Variants in PKD1L1 observed in about 807,000 individuals in gnomAD.
PKD1L1 encodes the protein polycystin-1-like protein 1.
In PKD1L1, 236 loss-of-function variants were observed where a neutral mutation model predicts 323.4. The ratio of observed to expected loss-of-function variants is 0.73; its 90% confidence interval spans 0.66 to 0.81. The LOEUF (loss-of-function observed/expected upper bound fraction) is 0.81. PKD1L1 is among the 40% of genes least tolerant of loss of function. PKD1L1 has a pLI of 0.00. For missense variants in PKD1L1, 3,320 were observed against 3,508.0 expected (o/e 0.95, Z 1.35); for synonymous variants, 1,344 against 1,335.0 (o/e 1.01, Z -0.15).
chr7:47,922,152 G>C (rs1787557052), intron 7 of PKD1L1, among the ~76,000 whole-genome samples: 1 of 152,248 alleles, frequency 6.6e-6, no homozygotes, highest in African/African-American at 2.4e-5. Context: ...GACCACGAGT[G>C]ATCTACCAGC....
At chr7:47,933,463 T>A (rs1340205335) in intron 4 of PKD1L1, among the ~76,000 whole-genome samples, 1 of 152,086 alleles carries the variant, frequency 6.6e-6, no homozygotes, top group Non-Finnish European at 1.5e-5. Context: ...CCAAATAAAC[T>A]CCCTGTTTAT....
chr7:47,850,049 C>G, intron 31 of PKD1L1, among the ~76,000 whole-genome samples: 1 of 152,104 alleles, frequency 6.6e-6, no homozygotes, highest in Non-Finnish European at 1.5e-5. Flanking sequence ...AGATAAAAGA[C>G]TACACATAGG....
At chr7:47,927,495 A>G (rs1217368087) in intron 7 of PKD1L1, among the ~76,000 whole-genome samples, 3 of 152,116 alleles carry the variant, frequency 2.0e-5, no homozygotes, top group African/African-American at 7.2e-5. Context: ...CGAACTCTTG[A>G]CCTCGTGATC....
At chr7:47,903,027 G>A (rs1002028786) in intron 12 of PKD1L1, among the ~76,000 whole-genome samples, 26 of 152,300 alleles carry the variant, frequency 1.7e-4, no homozygotes, top group Admixed American at 2.6e-4. Flanking sequence ...GCCTGTCTCC[G>A]GGTAAGGGGA....
intron 24 of PKD1L1, among the ~76,000 whole-genome samples, chr7:47,868,354 G>A (rs1338841991): frequency 6.6e-6 from 1 of 152,032 alleles, no homozygotes; most frequent in Non-Finnish European, 1.5e-5. Context: ...GGGCGACAGG[G>A]TGAGACCTTG....
chr7:47,843,218 A>G (rs1562956001), intron 33 of PKD1L1, 49 bp from the exon 34 acceptor site: 1 of 1,448,650 alleles, frequency 6.9e-7, no homozygotes, highest in Non-Finnish European at 9.5e-7. Context: ...GAAAATAGAC[A>G]TATAGGAAAA....
At chr7:47,910,546 G>A (rs1468479425) in intron 8 of PKD1L1, among the ~76,000 whole-genome samples, 1 of 152,024 alleles carries the variant, frequency 6.6e-6, no homozygotes, top group East Asian at 1.9e-4. Flanking sequence ...CACCGTGTTA[G>A]CCAGGATGGT....
chr7:47,941,579 G>T (rs1006206777), intron 2 of PKD1L1, among the ~76,000 whole-genome samples: 1 of 152,174 alleles, frequency 6.6e-6, no homozygotes. Flanking sequence ...ATCAAAGGCC[G>T]TGTTCCTGGC....
At chr7:47,939,478 G>T (rs979271707) in intron 3 of PKD1L1, among the ~76,000 whole-genome samples, 1 of 152,152 alleles carries the variant, frequency 6.6e-6, no homozygotes, top group Non-Finnish European at 1.5e-5. Flanking sequence ...TGAAAAGCAT[G>T]TCTCACTCAG....
intron 14 of PKD1L1, 105 bp from the exon 15 acceptor site, chr7:47,894,164 A>C: frequency 9.7e-7 from 1 of 1,029,080 alleles, no homozygotes; most frequent in Non-Finnish European, 1.4e-6. Flanking sequence ...ACGAGTCTCA[A>C]CGCATCCCTG....
At chr7:47,894,588 T>C (rs1342355267) in intron 14 of PKD1L1, among the ~76,000 whole-genome samples, 1 of 152,204 alleles carries the variant, frequency 6.6e-6, no homozygotes, top group African/African-American at 2.4e-5. Context: ...CGGTGGTTCA[T>C]GCCTGTAATC....
At chr7:47,954,332 A>T in the PKD1L1 span, among the ~76,000 whole-genome samples, 3 of 152,216 alleles carry the variant, frequency 2.0e-5, no homozygotes, top group African/African-American at 7.2e-5. Flanking sequence ...CCCTAAATTC[A>T]TAAGTTAGAA....
intron 45 of PKD1L1, 93 bp from the exon 46 acceptor site, chr7:47,821,279 T>C (rs560629489): frequency 2.2e-4 from 155 of 699,760 alleles, no homozygotes; most frequent in Non-Finnish European, 3.4e-4. Flanking sequence ...ATTATTATTA[T>C]TATTTTTGAG....
intron 15 of PKD1L1, among the ~76,000 whole-genome samples, chr7:47,891,681 A>C (rs1786821644): frequency 6.6e-6 from 1 of 152,264 alleles, no homozygotes; most frequent in African/African-American, 2.4e-5. Context: ...CAGGCTGTGC[A>C]GAGCAACTGC....
Position 47,898,160 on chromosome 7 carries a change from G to T in PKD1L1, c.2099C>A (p.Thr700Lys). ...WRSQPVRLGV[T>K]FEAAVFCDIS... ...ATCACAGAAGACTGCAGCTTCAAACGTCACTCCCAGCCTCACAGGCTGAGA... is the reference window on the plus strand; with the variant it reads ...ATCACAGAAGACTGCAGCTTCAAACTTCACTCCCAGCCTCACAGGCTGAGA... The change falls in exon 14 of 57, where the codon ACG becomes AAG. Residue 700 changes from threonine to lysine, a missense_variant. Thr to Lys is a moderately conservative substitution (Grantham distance 78). Transcript: ENST00000289672. The T allele has an allele frequency of 6.2e-7, 1 of 1,614,108 alleles. No individual in the cohort carries two copies.
Position 47,915,579 on chromosome 7 carries a change from G to A in PKD1L1, c.1081C>T (p.His361Tyr), listed in dbSNP as rs757685974. The change falls in exon 8 of 57, where the codon CAT (histidine) becomes TAT (tyrosine). Residue 361 changes from histidine to tyrosine, a missense_variant. His to Tyr is a moderately conservative substitution (Grantham distance 83). Coordinates refer to ENST00000289672, the MANE Select transcript of PKD1L1 (RefSeq NM_138295.5). ...TAGGTGGACATATCCAACTGAAAAT[G>A]TAAAAGATGAAAAAAAATACCTATA... ...YSKGIFFHLL[H>Y]FQLDMSTYKE... 4 of 1,525,392 alleles carry A rather than the reference G, an allele frequency of 2.6e-6. No individual in the cohort carries two copies. The highest frequency in any genetic ancestry group is 3.8e-5 in the Admixed American group (2 of 52,694). 94.5% of individuals were successfully genotyped at this position (1,525,392 alleles called of 1,614,324 possible).
At chr7:47,791,952 C>G (rs552097410) in intron 56 of PKD1L1, among the ~76,000 whole-genome samples, 2 of 152,266 alleles carry the variant, frequency 1.3e-5, no homozygotes, top group Non-Finnish European at 2.9e-5. Flanking sequence ...GTTGATTTTT[C>G]TATAGTTTGC....
chr7:47,862,004 G>A (rs1047688540), intron 26 of PKD1L1, among the ~76,000 whole-genome samples: 5 of 151,388 alleles, frequency 3.3e-5, no homozygotes, highest in African/African-American at 9.7e-5. Flanking sequence ...AGACCAGCCT[G>A]ACCAACAAGG....
At chr7:47,829,003 C>A (rs1785289723) in intron 44 of PKD1L1, among the ~76,000 whole-genome samples, 1 of 152,006 alleles carries the variant, frequency 6.6e-6, no homozygotes, top group African/African-American at 2.4e-5. Context: ...GCTACACATA[C>A]AACAGGCAAA....
Sources: gnomAD v4.1 joint callset for allele counts (sites outside exome capture counted in the v4.1 genomes callset) on GRCh38, gnomAD v4.1.1 for gene constraint, MANE v1.5 for transcripts, NCBI Gene and HGNC (gene_info 2026-07-23, HGNC 2026-07-21) for gene names.